Variants in PTPRR observed in about 807,000 individuals in gnomAD.
PTPRR encodes the protein protein tyrosine phosphatase receptor type R.
Under a neutral mutation model 77.2 loss-of-function variants are expected in PTPRR, and 38 were observed. That is an observed-to-expected ratio of 0.49 (90% CI 0.38 to 0.65). The LOEUF (loss-of-function observed/expected upper bound fraction) is 0.65. Among genes scored for constraint, PTPRR ranks in the 30% least tolerant of loss-of-function variants. The pLI is 0.00. For missense variants in PTPRR, 744 were observed against 799.2 expected (o/e 0.93, Z 0.83); for synonymous variants, 299 against 283.1 (o/e 1.06, Z -0.57).
intron 6 of PTPRR, among the ~76,000 whole-genome samples, chr12:70,740,785 T>A (rs997896775): frequency 5.9e-5 from 9 of 152,168 alleles, no homozygotes; most frequent in African/African-American, 2.2e-4. Context: ...CTCCTGGTGA[T>A]TTTAATGAAG....
chr12:70,741,475 C>T (rs1890044020), intron 6 of PTPRR, among the ~76,000 whole-genome samples: 1 of 152,164 alleles, frequency 6.6e-6, no homozygotes, highest in Admixed American at 6.5e-5. Context: ...ATGCCCCTCC[C>T]TGTATTCCTA....
intron 1 of PTPRR, among the ~76,000 whole-genome samples, chr12:70,906,365 T>C (rs967974979): frequency 6.6e-6 from 1 of 152,004 alleles, no homozygotes; most frequent in Non-Finnish European, 1.5e-5. Context: ...TTTCCATAAA[T>C]AGTATAAAAG....
intron 2 of PTPRR, among the ~76,000 whole-genome samples, chr12:70,834,525 A>C (rs1892269208): frequency 6.6e-6 from 1 of 152,210 alleles, no homozygotes. Context: ...TGCTTTCATT[A>C]TCTCATGTTG....
chr12:70,733,425 A>G (rs1889733122), intron 6 of PTPRR, among the ~76,000 whole-genome samples: 1 of 21,846 alleles, frequency 4.6e-5, no homozygotes, highest in Non-Finnish European at 1.2e-4. Context: ...AACAAACAAC[A>G]ACAAAAAAAA....
intron 2 of PTPRR, among the ~76,000 whole-genome samples, chr12:70,783,480 T>C (rs778752051): frequency 1.3e-5 from 2 of 152,098 alleles, no homozygotes; most frequent in Non-Finnish European, 2.9e-5. Flanking sequence ...GCAGAGAGGA[T>C]AGCTCCTGTC....
intron 6 of PTPRR, among the ~76,000 whole-genome samples, chr12:70,706,389 T>C (rs1014674929): frequency 1.3e-5 from 2 of 152,004 alleles, no homozygotes; most frequent in South Asian, 2.1e-4. Flanking sequence ...TGACCATTCA[T>C]AATAAAATTT....
chr12:70,679,750 A>T (rs2136719361), intron 10 of PTPRR, among the ~76,000 whole-genome samples: 1 of 152,140 alleles, frequency 6.6e-6, no homozygotes, highest in African/African-American at 2.4e-5. Flanking sequence ...TCAATTTTTC[A>T]TCCCTTCACT....
intron 12 of PTPRR, among the ~76,000 whole-genome samples, chr12:70,660,210 A>AAATC (rs1413697163): frequency 1.4e-5 from 2 of 143,618 alleles, no homozygotes; most frequent in Admixed American, 1.4e-4. Context: ...ATAAATAAAT[A>AAATC]AATAGTTGTT....
chr12:70,690,112 C>A (rs893937238), intron 8 of PTPRR, among the ~76,000 whole-genome samples: 11 of 152,084 alleles, frequency 7.2e-5, no homozygotes, highest in African/African-American at 2.4e-4. Context: ...GGATCTTAGA[C>A]CATGCAAAGG....
At chr12:70,674,504 TTGTG>T (rs932774707) in intron 10 of PTPRR, among the ~76,000 whole-genome samples, 1 of 152,022 alleles carries the variant, frequency 6.6e-6, no homozygotes. Flanking sequence ...CATCCATGAA[TTGTG>T]TGTGTGTTAA....
At chr12:70,708,979 C>T (rs772199975) in intron 6 of PTPRR, among the ~76,000 whole-genome samples, 3 of 151,962 alleles carry the variant, frequency 2.0e-5, no homozygotes, top group Non-Finnish European at 4.4e-5. Flanking sequence ...CCAGAAATGA[C>T]ACCTATTGTC....
At chr12:70,859,400 CAT>C (rs1427346094) in intron 2 of PTPRR, among the ~76,000 whole-genome samples, 2 of 152,000 alleles carry the variant, frequency 1.3e-5, no homozygotes, top group Non-Finnish European at 2.9e-5. Flanking sequence ...CAACTACTGA[CAT>C]AGAGTCCAAA....
intron 2 of PTPRR, among the ~76,000 whole-genome samples, chr12:70,781,931 G>A (rs1022700659): frequency 2.0e-5 from 3 of 152,150 alleles, no homozygotes; most frequent in Admixed American, 2.0e-4. Context: ...GTAAGAATAT[G>A]TTGAGACATT....
intron 6 of PTPRR, among the ~76,000 whole-genome samples, chr12:70,705,243 TGG>T: frequency 6.6e-6 from 1 of 152,090 alleles, no homozygotes; most frequent in East Asian, 1.9e-4. Context: ...GACTTAGAGG[TGG>T]GAAGAAAACG....
intron 6 of PTPRR, among the ~76,000 whole-genome samples, chr12:70,741,347 C>T (rs1196930907): frequency 6.6e-6 from 1 of 152,144 alleles, no homozygotes; most frequent in South Asian, 2.1e-4. Context: ...GGTTATGGAA[C>T]TAAAGCAGCG....
chr12:70,754,430 G>A, intron 4 of PTPRR, 129 bp from the exon 5 acceptor site: 1 of 1,563,878 alleles, frequency 6.4e-7, no homozygotes, highest in Non-Finnish European at 8.6e-7. Context: ...ACCCCCCGCT[G>A]CCAGAGCTGC....
chr12:70,708,716 A>G (rs1888708341), intron 6 of PTPRR, among the ~76,000 whole-genome samples: 1 of 152,002 alleles, frequency 6.6e-6, no homozygotes, highest in African/African-American at 2.4e-5. Context: ...TAAGAAAAAG[A>G]TGCTAAAAAA....
At chr12:70,654,087 TC>T (rs1886490688) in intron 13 of PTPRR, among the ~76,000 whole-genome samples, 1 of 152,082 alleles carries the variant, frequency 6.6e-6, no homozygotes, top group Non-Finnish European at 1.5e-5. Context: ...AAGAGAAACT[TC>T]ACAGATAATT....
intron 10 of PTPRR, among the ~76,000 whole-genome samples, chr12:70,667,535 C>T (rs150793638): frequency 0.012 from 1,846 of 152,190 alleles, 16 homozygotes; most frequent in Middle Eastern, 0.061. Flanking sequence ...GGCCAGGTTG[C>T]CTCTCCACCA....
Sources: gnomAD v4.1 joint callset for allele counts (sites outside exome capture counted in the v4.1 genomes callset) on GRCh38, gnomAD v4.1.1 for gene constraint, MANE v1.5 for transcripts, NCBI Gene and HGNC (gene_info 2026-07-23, HGNC 2026-07-21) for gene names.